RHD: variants seen among roughly 807,000 people sequenced by gnomAD.
RHD encodes blood group Rh(D) polypeptide.
Under a neutral mutation model 45.5 loss-of-function variants are expected in RHD, and 16 were observed. The observed-to-expected ratio is 0.35, with a 90% CI of 0.24 to 0.53. RHD has a LOEUF of 0.53. Ranked by LOEUF, RHD falls within the 20% of genes least tolerant of loss-of-function variation. RHD has a pLI of 0.92. For missense variants in RHD, 306 were observed against 532.0 expected (o/e 0.58, Z 4.18); for synonymous variants, 131 against 217.5 (o/e 0.60, Z 3.50).
At position 25,300,432 on chromosome 1, in the gene RHD, A is replaced by G. The variant is rs1446624122; in HGVS notation, c.487-514A>G. Among the ~76,000 whole-genome samples the G allele has an allele frequency of 5.5e-5, 7 of 126,176 alleles. 2 individuals are homozygous for G. The highest frequency in any genetic ancestry group is 1.9e-4 in the African/African-American group (7 of 36,268). The allele number at this position is 126,176 out of a possible 152,430, so 82.8% of individuals were successfully genotyped here. The stretch of plus-strand genomic sequence containing the variant: ...GAGGCTGAGGTGGGAGGATTGCTTG[A>G]GCCTGGGAGTTGGAGACTACAGTGA... On this transcript the variant is annotated intron_variant, in intron 3 of 9. Coordinates refer to ENST00000328664, the MANE Select transcript of RHD (RefSeq NM_016124.6).
chr1:25,279,479 T>C lies in RHD; in HGVS notation c.149-5094T>C, dbSNP rs1487178005. ...TAGAAAGGCAGGATGGCATAATGGT[T>C]AAACCTAGGTAGGTAGGGTTTGAAT... is the stretch of plus-strand genomic sequence containing the variant. On this transcript the variant is annotated intron_variant, in intron 1 of 9. Coordinates refer to ENST00000328664, the MANE Select transcript of RHD (RefSeq NM_016124.6). Among the ~76,000 whole-genome samples, 2 of 122,572 alleles carry C rather than the reference T, an allele frequency of 1.6e-5. 1 individual carries two copies. The highest frequency in any genetic ancestry group is 3.8e-5 in the Non-Finnish European group (2 of 52,464). 80.4% of individuals were successfully genotyped at this position (122,572 alleles called of 152,430 possible).
chr1:25,306,712 C>T lies in RHD; in HGVS notation c.1056C>T (p.Val352=), dbSNP rs751622039. 14 of 1,377,764 alleles carry T rather than the reference C, an allele frequency of 1.0e-5. 2 individuals carry two copies. The highest frequency in any genetic ancestry group is 4.7e-5 in the South Asian group (4 of 84,778). 85.3% of individuals were successfully genotyped at this position (1,377,764 alleles called of 1,614,324 possible). ...IYIVLLVLDT[V]GAGNGMIGFQ... The stretch of plus-strand genomic sequence containing the variant: ...TTGTGCTGCTGGTGCTTGATACCGT[C>T]GGAGCCGGCAATGGCATGTGGGTCA... Residue 352 remains valine (V), a synonymous_variant, in exon 7 of 10, where the codon GTC becomes GTT. Transcript: ENST00000328664.
In RHD at chr1:25,323,529, G is replaced by A. The variant is rs4303115; in HGVS notation, c.1227+1567G>A. ...ACCGTAATGCAGTGGCACCATCATG[G>A]CTCACTGTAGCCTCAACCTCCCCAG... is the stretch of plus-strand genomic sequence containing the variant. On this transcript the variant is annotated intron_variant, in intron 9 of 9. Coordinates refer to ENST00000328664, the MANE Select transcript of RHD (RefSeq NM_016124.6). Among the ~76,000 whole-genome samples the A allele has an allele frequency of 1.4e-3, 181 of 126,604 alleles. 3 individuals carry two copies. The highest frequency in any genetic ancestry group is 1.7e-3 in the African/African-American group (63 of 36,636). The allele number at this position is 126,604 out of a possible 152,430, so 83.1% of individuals were successfully genotyped here. A position where few individuals can be genotyped will look rare whatever the true frequency, so the allele number is the denominator to read the frequency against.
rs566068174 is a variant in RHD, at chr1:25,283,803, C to T, written c.149-770C>T. On this transcript the variant is annotated intron_variant, in intron 1 of 9. Coordinates refer to ENST00000328664, the MANE Select transcript of RHD (RefSeq NM_016124.6). ...AGGGTGCCAGAGTCCTGATTTGAAC[C>T]CAAGTTTGTCTCGTTCTGGAGCTCA... is the stretch of plus-strand genomic sequence containing the variant. Among the ~76,000 whole-genome samples, 3 of 133,928 alleles carry T rather than the reference C, an allele frequency of 2.2e-5. No homozygotes were observed. In the South Asian group the frequency reaches 6.6e-4, roughly 29 times the overall value. 87.9% of individuals were successfully genotyped at this position (133,928 alleles called of 152,430 possible).
At chr1:25,312,920 TAAAAAAAAAAAAA>T (rs58027687) in intron 7 of RHD, among the ~76,000 whole-genome samples, 225 of 6,858 alleles carry the variant, frequency 0.033, 35 homozygotes, top group Middle Eastern at 0.12. Flanking sequence ...ATCCCATCTC[TAAAAAAAAAAAAA>T]AAAAAAAAAA....
In RHD at chr1:25,307,514, T is replaced by C. The variant is rs1643911784; in HGVS notation, c.1073+785T>C. 3.9e-6 allele frequency: 2 copies of C among 510,282 alleles called. 1 individual carries two copies. Among genetic ancestry groups the C allele is most frequent in the Non-Finnish European group, 7.4e-6 (2 of 268,502 alleles). The allele number at this position is 510,282 out of a possible 1,614,324, so 31.6% of individuals were successfully genotyped here. On this transcript the variant is annotated intron_variant, in intron 7 of 9. Coordinates refer to ENST00000328664, the MANE Select transcript of RHD (RefSeq NM_016124.6). ...TCACTGATAACATTTACTACTGTTA[T>C]TGACTGCTTTAAAAGTGTTGGGCAT...
At chr1:25,307,677 G>A in intron 7 of RHD, 3 of 1,300,460 alleles carry the variant, frequency 2.3e-6, no homozygotes, top group African/African-American at 2.9e-5. Flanking sequence ...CTGTAAAAAT[G>A]GCTGAAGCAG....
chr1:25,297,727 T>C (rs1196666127), intron 3 of RHD, among the ~76,000 whole-genome samples: 1 of 132,318 alleles, frequency 7.6e-6, no homozygotes, highest in Non-Finnish European at 1.8e-5. Context: ...TAAGGATTAA[T>C]GAGAACTCCC....
chr1:25,292,481 G>C (rs1285198216), intron 3 of RHD, among the ~76,000 whole-genome samples: 1 of 132,286 alleles, frequency 7.6e-6, no homozygotes, highest in African/African-American at 2.6e-5. Flanking sequence ...TTTGCTGATA[G>C]ACTGCACGTG....
intron 6 of RHD, among the ~76,000 whole-genome samples, chr1:25,305,113 G>A (rs1643697117): frequency 7.6e-6 from 1 of 132,384 alleles, no homozygotes; most frequent in African/African-American, 2.6e-5. Context: ...GGATGGGTCT[G>A]GAAATGCTTC....
At chr1:25,291,689 T>G (rs1642522181) in intron 3 of RHD, among the ~76,000 whole-genome samples, 1 of 132,468 alleles carries the variant, frequency 7.5e-6, no homozygotes, top group Non-Finnish European at 1.8e-5. Flanking sequence ...TCCAGCAAGT[T>G]TGTACAGCCA....
chr1:25,297,345 G>A (rs530418843), intron 3 of RHD, among the ~76,000 whole-genome samples: 1,233 of 97,256 alleles, frequency 0.013, 102 homozygotes, highest in African/African-American at 0.04. Flanking sequence ...CCCATTACTG[G>A]GTGTGTTAAC....
chr1:25,280,714 C>G (rs1264831896), intron 1 of RHD, among the ~76,000 whole-genome samples: 1 of 127,404 alleles, frequency 7.8e-6, no homozygotes, highest in East Asian at 2.0e-4. Flanking sequence ...TAGGCACAAG[C>G]CATCCTCCTA....
intron 8 of RHD, among the ~76,000 whole-genome samples, chr1:25,320,296 A>G (rs1644632485): frequency 7.6e-6 from 1 of 132,168 alleles, no homozygotes; most frequent in African/African-American, 2.6e-5. Context: ...TCCACGTTAT[A>G]TGGCACGTTA....
At chr1:25,283,884 T>C (rs1641719833) in intron 1 of RHD, among the ~76,000 whole-genome samples, 1 of 134,092 alleles carries the variant, frequency 7.5e-6, no homozygotes, top group Non-Finnish European at 1.8e-5. Context: ...CCCTCCGCTT[T>C]GCTGGGCCCC....
At position 25,319,975 on chromosome 1, in the gene RHD, T is replaced by C. The variant is rs1467837780; in HGVS notation, c.1154-1914T>C. 1.5e-4 allele frequency among the ~76,000 whole-genome samples: 20 copies of C among 131,566 alleles called. 4 individuals carry two copies. Among genetic ancestry groups the C allele is most frequent in the Admixed American group, 1.5e-3 (20 of 13,462 alleles). The allele number at this position is 131,566 out of a possible 152,430, so 86.3% of individuals were successfully genotyped here. A position where few individuals can be genotyped will look rare whatever the true frequency, so the allele number is the denominator to read the frequency against. On this transcript the variant is annotated intron_variant, in intron 8 of 9. Transcript: ENST00000328664. ...GTGCAATGGCGCTATCTCGGCTCACTACAACCTCAGCCTCCTGGGTTCAAG... is the reference window on the plus strand; with the variant it reads ...GTGCAATGGCGCTATCTCGGCTCACCACAACCTCAGCCTCCTGGGTTCAAG...
chr1:25,281,979 TG>T (rs1641522519), intron 1 of RHD, among the ~76,000 whole-genome samples: 1 of 132,714 alleles, frequency 7.5e-6, no homozygotes, highest in East Asian at 1.9e-4. Context: ...AGCTTCTCAT[TG>T]TTATCAAGGC....
chr1:25,276,526 C>T lies in RHD; in HGVS notation c.148+3831C>T, dbSNP rs1226908129. Among the ~76,000 whole-genome samples the T allele has an allele frequency of 1.9e-3, 67 of 35,924 alleles. 3 individuals are homozygous for T. Among genetic ancestry groups the T allele is most frequent in the African/African-American group, 6.8e-3 (67 of 9,792 alleles). 23.6% of individuals were successfully genotyped at this position (35,924 alleles called of 152,430 possible). A position where few individuals can be genotyped will look rare whatever the true frequency, so the allele number is the denominator to read the frequency against. ...TAGGAAACATAGGGAGACCCCCCCC[C>T]ATCTCTAAAAAAAAAAAAAAAAAAA... is the stretch of plus-strand genomic sequence containing the variant. On this transcript the variant is annotated intron_variant, in intron 1 of 9. Transcript: ENST00000328664.
intron 2 of RHD, among the ~76,000 whole-genome samples, chr1:25,286,585 G>A (rs1326701973): frequency 1.5e-5 from 2 of 134,028 alleles, no homozygotes; most frequent in African/African-American, 5.2e-5. Flanking sequence ...AGGAGATCGA[G>A]ACCATCCTGG....
Sources: allele counts gnomAD v4.1 joint callset (sites outside exome capture counted in the v4.1 genomes callset), GRCh38; gene constraint gnomAD v4.1.1; transcripts MANE v1.5; gene names NCBI Gene and HGNC (gene_info 2026-07-23, HGNC 2026-07-21).